MYO7B: variants seen among roughly 807,000 people sequenced by gnomAD.
MYO7B encodes the protein myosin VIIB.
MYO7B carries 212 observed loss-of-function variants against 259.7 expected under a neutral mutation model. That is an observed-to-expected ratio of 0.82 (90% CI 0.73 to 0.91). MYO7B has a LOEUF of 0.91. MYO7B is among the 40% of genes least tolerant of loss of function. The pLI is 0.00. For missense variants in MYO7B, 2,732 were observed against 2,813.5 expected (o/e 0.97, Z 0.66); for synonymous variants, 1,197 against 1,166.4 (o/e 1.03, Z -0.54).
intron 19 of MYO7B, among the ~76,000 whole-genome samples, chr2:127,605,581 G>C (rs181893517): frequency 6.6e-6 from 1 of 152,298 alleles, no homozygotes; most frequent in East Asian, 1.9e-4. Flanking sequence ...TGAGCAACAA[G>C]AGTGAAACTC....
At chr2:127,596,183 G>A (rs1051780506) in intron 18 of MYO7B, among the ~76,000 whole-genome samples, 5 of 152,176 alleles carry the variant, frequency 3.3e-5, no homozygotes, top group African/African-American at 1.2e-4. Flanking sequence ...GGAAAATTTT[G>A]TGCCCCCTCT....
intron 16 of MYO7B, 90 bp from the exon 17 acceptor site, chr2:127,592,704 G>C: frequency 6.6e-7 from 1 of 1,505,144 alleles, no homozygotes; most frequent in Non-Finnish European, 8.9e-7. Flanking sequence ...ACCTCTGGCT[G>C]TGGGCCCGTG....
In MYO7B at chr2:127,609,777, G is replaced by T; in HGVS notation, c.3024+62G>T. 1 of 1,611,570 alleles carries T rather than the reference G, an allele frequency of 6.2e-7. No homozygotes were observed. The highest frequency in any genetic ancestry group is 1.7e-4 in the Middle Eastern group (1 of 6,056). On this transcript the variant is annotated intron_variant, in intron 23 of 47. Transcript: ENST00000409816. The surrounding 1 kb of genome is among the most constrained non-coding windows in gnomAD (Gnocchi z 6.9). ...GCCCCGAGCCTGGGGTGTGAGCTAT[G>T]GCTCGGGGAAAGAAGGAAGGGGCCA...
rs771420896 is a variant in MYO7B, at chr2:127,596,522, A to C, written c.2305A>C (p.Ser769Arg). The C allele has an allele frequency of 9.3e-6, 15 of 1,613,430 alleles. No individual in the cohort carries two copies. Among genetic ancestry groups the C allele is most frequent in the Non-Finnish European group, 1.2e-5 (14 of 1,179,730 alleles). The change falls in exon 19 of 48, where the codon AGC (serine) becomes CGC (arginine). Residue 769 changes from serine (S) to arginine (R), a missense_variant. By Grantham distance (110) the Ser-to-Arg change is moderately radical (BLOSUM62 -1). Transcript: ENST00000409816. ...CCAGGTGCTAGACAGAGCGGCGCTC[A>C]GCATCCAGAAAGTCCTTCGGGGCTA... ...RSQVLDRAALSIQKVLRGYRY... is the reference protein window; with the variant it reads ...RSQVLDRAALRIQKVLRGYRY...
At chr2:127,618,346 A>G (rs772622867) in intron 26 of MYO7B, among the ~76,000 whole-genome samples, 3 of 152,214 alleles carry the variant, frequency 2.0e-5, no homozygotes, top group African/African-American at 7.2e-5. Flanking sequence ...TACTCCTAGT[A>G]AGCAAAGACA....
intron 30 of MYO7B, among the ~76,000 whole-genome samples, chr2:127,624,785 G>C (rs979332747): frequency 6.6e-6 from 1 of 152,184 alleles, no homozygotes; most frequent in Non-Finnish European, 1.5e-5. Flanking sequence ...CTTTTGTAGG[G>C]GATTGTGAGA....
chr2:127,584,817 C>T lies in MYO7B; in HGVS notation c.1594C>T (p.His532Tyr). Residue 532 changes from histidine (H) to tyrosine (Y), a missense_variant, in exon 14 of 48, where the codon CAT becomes TAT. By Grantham distance (83) the His-to-Tyr change is moderately conservative. Around this residue, in one of 3 missense-constraint regions of MYO7B, gnomAD observed 1,906 missense variants for 2,026.4 expected, o/e 0.94. Coordinates refer to ENST00000409816, the MANE Select transcript of MYO7B (RefSeq NM_001393586.1). The surrounding 1 kb of genome is among the most constrained non-coding windows in gnomAD (Gnocchi z 5.8). Reference sequence around the variant, plus strand: ...CATGCTGCAAAAGCTGAACAGCGTCCATGCCAACAACAAGGCCTTCCTACA... The same window carrying T: ...CATGCTGCAAAAGCTGAACAGCGTCTATGCCAACAACAAGGCCTTCCTACA... Reference protein sequence around the residue: ...LTMLQKLNSVHANNKAFLQPK... With the variant: ...LTMLQKLNSVYANNKAFLQPK... 1 of 1,613,972 alleles carries T rather than the reference C, an allele frequency of 6.2e-7. No homozygotes were observed. Among genetic ancestry groups the T allele is most frequent in the Non-Finnish European group, 8.5e-7 (1 of 1,179,884 alleles).
chr2:127,608,243 C>G (rs768423515), intron 21 of MYO7B, among the ~76,000 whole-genome samples: 5 of 152,224 alleles, frequency 3.3e-5, no homozygotes, highest in Admixed American at 1.3e-4. Context: ...CCCATAGACA[C>G]GTCAGCAGCA....
chr2:127,551,343 A>G (rs892409037), intron 1 of MYO7B, among the ~76,000 whole-genome samples: 4 of 152,200 alleles, frequency 2.6e-5, no homozygotes, highest in Non-Finnish European at 5.9e-5. Flanking sequence ...CTGGGGCTGG[A>G]GGGTCCCTTC....
intron 43 of MYO7B, 109 bp downstream of exon 43, chr2:127,635,335 G>A: frequency 3.8e-6 from 4 of 1,060,572 alleles, no homozygotes; most frequent in East Asian, 5.2e-5. Flanking sequence ...TCAGCCCTGG[G>A]TACCAGCCCA....
chr2:127,583,641 G>A (rs535285126), intron 12 of MYO7B, among the ~76,000 whole-genome samples: 1 of 152,330 alleles, frequency 6.6e-6, no homozygotes, highest in Non-Finnish European at 1.5e-5. Flanking sequence ...GGGAATGCAG[G>A]AGGAAGTGCA....
intron 40 of MYO7B, 27 bp from the exon 41 acceptor site, chr2:127,634,149 G>C: frequency 1.9e-6 from 3 of 1,561,446 alleles, no homozygotes; most frequent in Non-Finnish European, 2.6e-6. Context: ...CCAGGCCCCG[G>C]GCCTCACCAG....
intron 5 of MYO7B, among the ~76,000 whole-genome samples, chr2:127,568,945 T>C (rs912184341): frequency 6.8e-5 from 10 of 147,674 alleles, no homozygotes; most frequent in Non-Finnish European, 1.3e-4. Flanking sequence ...CGGTGGTTTA[T>C]GCCTGTAATC....
At chr2:127,620,050 G>T in intron 26 of MYO7B, 1 of 251,706 alleles carries the variant, frequency 4.0e-6, no homozygotes, top group Non-Finnish European at 7.6e-6. Context: ...GCTGTGCAAA[G>T]GGCGCGGCTG....
At chr2:127,540,221 T>G (rs1692951214) in intron 1 of MYO7B, among the ~76,000 whole-genome samples, 1 of 151,558 alleles carries the variant, frequency 6.6e-6, no homozygotes, top group South Asian at 2.1e-4. Flanking sequence ...TGGAGTGCAA[T>G]GGCGTGATCT....
In MYO7B at chr2:127,577,232, C is replaced by T. The variant is rs893097848; in HGVS notation, c.849+524C>T. Among the ~76,000 whole-genome samples, 53 of 152,116 alleles carry T rather than the reference C, an allele frequency of 3.5e-4. No individual in the cohort carries two copies. Among genetic ancestry groups the T allele is most frequent in the Non-Finnish European group, 2.9e-4 (20 of 68,014 alleles). ...CCTGGTTTATTGACCACAGAGTGGA[C>T]CCAGAGCATTCTGCCTCTGGGATCT... is the stretch of plus-strand genomic sequence containing the variant. On this transcript the variant is annotated intron_variant, in intron 8 of 47. Transcript: ENST00000409816. The surrounding 1 kb of genome is among the most constrained non-coding windows in gnomAD (Gnocchi z 5.2).
chr2:127,548,307 T>C lies in MYO7B; in HGVS notation c.-23-11393T>C, dbSNP rs916704099. Reference sequence around the variant, plus strand: ...TTTTTATTTCCTGTTTCCAATGTCATTGATTTCTGTTCTAATTTTTATTTT... The same window carrying C: ...TTTTTATTTCCTGTTTCCAATGTCACTGATTTCTGTTCTAATTTTTATTTT... On this transcript the variant is annotated intron_variant, in intron 1 of 47. Coordinates refer to ENST00000409816, the MANE Select transcript of MYO7B (RefSeq NM_001393586.1). Among the ~76,000 whole-genome samples the C allele has an allele frequency of 3.3e-5, 5 of 152,118 alleles. No homozygotes were observed. The South Asian group carries it at 6.2e-4, about 19-fold the overall frequency.
intron 1 of MYO7B, among the ~76,000 whole-genome samples, chr2:127,547,705 G>A (rs567217748): frequency 6.6e-6 from 1 of 152,282 alleles, no homozygotes; most frequent in African/African-American, 2.4e-5. Context: ...AAGGCCACCT[G>A]GGATGCTTCC....
Position 127,566,814 on chromosome 2 carries a change from T to C in MYO7B, c.457T>C (p.Cys153Arg), listed in dbSNP as rs1343603102. ...FSMKRNKRDQ[C>R]CIISGESGAG... ...CATGAAGAGGAACAAGAGGGACCAG[T>C]GCTGCATCATCAGGTGAGGCAGAGG... Residue 153 changes from cysteine to arginine, a missense_variant, in exon 5 of 48, where the codon TGC becomes CGC. By Grantham distance (180) the Cys-to-Arg change is radical. This residue lies in a region of MYO7B where 1,906 missense variants were observed against 2,026.4 expected (regional missense o/e 0.94). Transcript: ENST00000409816. The C allele has an allele frequency of 6.2e-7, 1 of 1,609,994 alleles. No individual in the cohort carries two copies. Among genetic ancestry groups the C allele is most frequent in the African/African-American group, 1.3e-5 (1 of 74,944 alleles).
Sources: gnomAD v4.1 joint callset for allele counts (sites outside exome capture counted in the v4.1 genomes callset) on GRCh38, gnomAD v4.1.1 for gene constraint, gnomAD v4.1.1 regional missense constraint, Gnocchi (gnomAD v3.1) non-coding constraint, MANE v1.5 for transcripts, NCBI Gene and HGNC (gene_info 2026-07-23, HGNC 2026-07-21) for gene names.